The following RPRD2 variants were observed in gnomAD, a reference collection of about 807,000 sequenced individuals.
RPRD2 encodes the protein regulation of nuclear pre-mRNA domain containing 2, also known as regulation of nuclear pre-mRNA domain-containing protein 2.
In RPRD2, 12 loss-of-function variants were observed where a neutral mutation model predicts 104.4. That is an observed-to-expected ratio of 0.11 (90% confidence interval 0.07 to 0.19). RPRD2 has a LOEUF of 0.19. Ranked by LOEUF, RPRD2 falls within the 10% of genes least tolerant of loss-of-function variation. RPRD2 has a pLI of 1.00. For synonymous variants in RPRD2, 714 were observed against 684.9 expected (o/e 1.04, Z -0.66); for missense variants, 1,543 against 1,790.1 (o/e 0.86, Z 2.49).
intron 5 of RPRD2, among the ~76,000 whole-genome samples, chr1:150,443,560 T>A (rs755291030): frequency 2.6e-5 from 4 of 152,208 alleles, no homozygotes; most frequent in Non-Finnish European, 5.9e-5. Flanking sequence ...CCTGTGAAAC[T>A]CTTTCTAAAT....
At position 150,364,834 on chromosome 1, in the gene RPRD2, C is replaced by T. The variant is rs782446169; in HGVS notation, c.120C>T (p.Ser40=). ...AGTCGGTAACCAACACCATGGAGTCCATTCAAGGCTTGTCGTCTTGGTGTA... is the reference window on the plus strand; with the variant it reads ...AGTCGGTAACCAACACCATGGAGTCTATTCAAGGCTTGTCGTCTTGGTGTA... ...KFQSVTNTME[S]IQGLSSWCIE... Residue 40 remains serine, a synonymous_variant, in exon 1 of 11, where the codon TCC becomes TCT. Coordinates refer to ENST00000369068, the MANE Select transcript of RPRD2 (RefSeq NM_015203.5). The T allele has an allele frequency of 1.5e-5, 25 of 1,613,824 alleles. No homozygotes were observed. Among genetic ancestry groups the T allele is most frequent in the Non-Finnish European group, 1.9e-5 (23 of 1,179,714 alleles).
At chr1:150,394,564 A>G (rs1264628056) in intron 1 of RPRD2, among the ~76,000 whole-genome samples, 1 of 152,076 alleles carries the variant, frequency 6.6e-6, no homozygotes, top group African/African-American at 2.4e-5. Flanking sequence ...TGTTTACTGA[A>G]CTTTCAACCT....
At chr1:150,435,412 A>C (rs1326270894) in intron 2 of RPRD2, among the ~76,000 whole-genome samples, 1 of 152,228 alleles carries the variant, frequency 6.6e-6, no homozygotes, top group South Asian at 2.1e-4. Flanking sequence ...TTGAAAGCCA[A>C]GATAGGCTGA....
rs1553876687 is a variant in RPRD2, at chr1:150,364,253, A to G, written c.-462A>G. Among the ~76,000 whole-genome samples the G allele has an allele frequency of 6.6e-6, 1 of 152,190 alleles. No homozygotes were observed. The highest frequency in any genetic ancestry group is 2.4e-5 in the African/African-American group (1 of 41,460). On this transcript the variant is annotated 5_prime_UTR_variant, in exon 1 of 11. Transcript: ENST00000369068. ...TCTAAAGGAAAGAAAGATTTCTGCA[A>G]CTGAAGGGGCAGTCGGGTAGTATTA...
Position 150,370,748 on chromosome 1 carries a change from T to C in RPRD2, c.205+5829T>C, listed in dbSNP as rs587697187. 1.5e-3 allele frequency among the ~76,000 whole-genome samples: 224 copies of C among 152,132 alleles called. 1 individual carries two copies. The highest frequency in any genetic ancestry group is 5.1e-3 in the African/African-American group (213 of 41,502). On this transcript the variant is annotated intron_variant, in intron 1 of 10. Transcript: ENST00000369068. ...CACACCACACCCAGCTAATTTTTTG[T>C]ATTTTTTTGTAGAGATGGGGTTTTG...
At chr1:150,414,029 G>A (rs956774670) in intron 1 of RPRD2, among the ~76,000 whole-genome samples, 1 of 152,058 alleles carries the variant, frequency 6.6e-6, no homozygotes, top group African/African-American at 2.4e-5. Flanking sequence ...GGAGGCAGAG[G>A]TTTCAGTGAG....
chr1:150,472,982 G>A lies in RPRD2; in HGVS notation c.4034G>A (p.Gly1345Glu). The change falls in exon 11 of 11, where the codon GGA (glycine) becomes GAA (glutamate). Residue 1345 changes from glycine to glutamate, a missense_variant. By Grantham distance (98) the Gly-to-Glu change is moderately conservative. Transcript: ENST00000369068. ...GCTGAGCATTTTGGGGTACTCCCAG[G>A]ACCCAGGGACCACGGGGGCCCCACC... ...TLAEHFGVLP[G>E]PRDHGGPTQR... The A allele has an allele frequency of 1.2e-6, 2 of 1,613,964 alleles. No homozygotes were observed. Among genetic ancestry groups the A allele is most frequent in the Non-Finnish European group, 1.7e-6 (2 of 1,179,858 alleles).
In RPRD2 at chr1:150,465,171, C is replaced by G. The variant is rs371290276; in HGVS notation, c.1612+444C>G. On this transcript the variant is annotated intron_variant, in intron 10 of 10. Transcript: ENST00000369068. The stretch of plus-strand genomic sequence containing the variant: ...TCATTATCCTTTTTTTTATTTTAGA[C>G]AGAATTTCACTCTTGTCGCCCAGGC... 1.6e-4 allele frequency among the ~76,000 whole-genome samples: 24 copies of G among 151,578 alleles called. No individual in the cohort carries two copies. In the East Asian group the frequency reaches 3.5e-3, roughly 22 times the overall value.
intron 1 of RPRD2, among the ~76,000 whole-genome samples, chr1:150,381,657 A>G (rs887378157): frequency 6.6e-6 from 1 of 151,550 alleles, no homozygotes; most frequent in Non-Finnish European, 1.5e-5. Flanking sequence ...GGCGCCCACC[A>G]CTGCGCCTGG....
In RPRD2 at chr1:150,378,955, C is replaced by A. The variant is rs1560149651; in HGVS notation, c.205+14036C>A. Reference sequence around the variant, plus strand: ...CGAGATGGTGCCACTGCACATCAGCCTGGGCAACAGAGTGAGACTTCATTA... The same window carrying A: ...CGAGATGGTGCCACTGCACATCAGCATGGGCAACAGAGTGAGACTTCATTA... On this transcript the variant is annotated intron_variant, in intron 1 of 10. Coordinates refer to ENST00000369068, the MANE Select transcript of RPRD2 (RefSeq NM_015203.5). 2.1e-5 allele frequency among the ~76,000 whole-genome samples: 3 copies of A among 143,596 alleles called. No individual in the cohort carries two copies. In the East Asian group the frequency reaches 6.2e-4, roughly 30 times the overall value. 94.2% of individuals were successfully genotyped at this position (143,596 alleles called of 152,430 possible).
intron 1 of RPRD2, among the ~76,000 whole-genome samples, chr1:150,384,149 C>T (rs1191150872): frequency 2.6e-5 from 4 of 152,064 alleles, no homozygotes; most frequent in African/African-American, 9.7e-5. Context: ...GAATCCCTTT[C>T]GTTTTTAGCC....
At chr1:150,400,926 C>T (rs1373937531) in intron 1 of RPRD2, among the ~76,000 whole-genome samples, 1 of 151,886 alleles carries the variant, frequency 6.6e-6, no homozygotes, top group Non-Finnish European at 1.5e-5. Flanking sequence ...CGCTGGCTCC[C>T]AGCACTTTGG....
rs2102458981 is a variant in RPRD2 at position 150,476,393 on chromosome 1, C to T, written c.*3059C>T. On this transcript the variant is annotated 3_prime_UTR_variant, in exon 11 of 11. Coordinates refer to ENST00000369068, the MANE Select transcript of RPRD2 (RefSeq NM_015203.5). The stretch of plus-strand genomic sequence containing the variant: ...ATTACTGCTTTCCCCAGTTCCCCCA[C>T]TATTTTTTTTAAGTGGGCGGGGGCG... The T allele has an allele frequency of 6.6e-6, 1 of 152,282 alleles. No homozygotes were observed. Among genetic ancestry groups the T allele is most frequent in the East Asian group, 1.9e-4 (1 of 5,186 alleles). 9.4% of individuals were successfully genotyped at this position (152,282 alleles called of 1,614,324 possible). A position where few individuals can be genotyped will look rare whatever the true frequency, so the allele number is the denominator to read the frequency against.
chr1:150,459,158 C>A (rs1553898257), intron 8 of RPRD2, among the ~76,000 whole-genome samples: 1 of 152,162 alleles, frequency 6.6e-6, no homozygotes, highest in Non-Finnish European at 1.5e-5. Context: ...TGAATTGTTT[C>A]TCTTATATCC....
intron 1 of RPRD2, among the ~76,000 whole-genome samples, chr1:150,391,577 C>T (rs1326118769): frequency 2.6e-5 from 4 of 152,192 alleles, no homozygotes; most frequent in Admixed American, 2.0e-4. Context: ...TCTGAATGAA[C>T]ATTTCCTGTA....
intron 2 of RPRD2, among the ~76,000 whole-genome samples, chr1:150,434,296 C>G (rs1665848809): frequency 6.6e-6 from 1 of 152,244 alleles, no homozygotes; most frequent in Non-Finnish European, 1.5e-5. Flanking sequence ...GCGGAGGTTG[C>G]AATGAGTTGA....
At chr1:150,391,556 A>G (rs998817889) in intron 1 of RPRD2, among the ~76,000 whole-genome samples, 1 of 152,240 alleles carries the variant, frequency 6.6e-6, no homozygotes, top group African/African-American at 2.4e-5. Flanking sequence ...ATTGGTAACC[A>G]TAAGAGTAAA....
chr1:150,374,631 T>C (rs1314802073), intron 1 of RPRD2, among the ~76,000 whole-genome samples: 4 of 152,190 alleles, frequency 2.6e-5, no homozygotes, highest in Non-Finnish European at 5.9e-5. Flanking sequence ...CTGGTGTTCA[T>C]TGCAGAATTG....
chr1:150,452,661 CTTTTTTTTTTTTTT>C (rs782322743), intron 7 of RPRD2, among the ~76,000 whole-genome samples: 2 of 71,220 alleles, frequency 2.8e-5, no homozygotes, highest in African/African-American at 1.1e-4. Context: ...GACATATCCC[CTTTTTTTTTTTTTT>C]TTTTTTTTTT....
Sources: gnomAD v4.1 joint callset for allele counts (sites outside exome capture counted in the v4.1 genomes callset) on GRCh38, gnomAD v4.1.1 for gene constraint, MANE v1.5 for transcripts, NCBI Gene and HGNC (gene_info 2026-07-23, HGNC 2026-07-21) for gene names.